The following VPS13B variants were observed in gnomAD, a reference collection of about 807,000 sequenced individuals.
VPS13B encodes the protein vacuolar protein sorting 13 homolog B.
VPS13B carries 285 observed loss-of-function variants against 426.4 expected under a neutral mutation model. The observed-to-expected ratio is 0.67, with a 90% CI of 0.61 to 0.74. The LOEUF is 0.74. Among genes scored for constraint, VPS13B ranks in the 30% least tolerant of loss-of-function variants. The pLI is 0.00. For synonymous variants in VPS13B, 1,676 were observed against 1,676.4 expected, an observed-to-expected ratio of 1.00 and a Z score of 0.01; for missense variants, 4,537 against 4,782.6, an observed-to-expected ratio of 0.95 and a Z score of 1.51.
At chr8:99,221,729 G>T (rs1815735054) in intron 17 of VPS13B, among the ~76,000 whole-genome samples, 1 of 152,046 alleles carries the variant, frequency 6.6e-6, no homozygotes, top group Non-Finnish European at 1.5e-5. Context: ...ATTCAGGAGT[G>T]GAGTCTCACT....
At chr8:99,540,821 T>G (rs1344992857) in intron 30 of VPS13B, among the ~76,000 whole-genome samples, 1 of 152,194 alleles carries the variant, frequency 6.6e-6, no homozygotes, top group Non-Finnish European at 1.5e-5. Context: ...ATTTTTATTG[T>G]GGTTTCGAGG....
rs1554645704 is a variant in VPS13B, at chr8:99,156,741, A to C, written c.2206A>C (p.Lys736Gln). ...TTATTGTTATGTACACTGCTATCTT[A>C]AGGTATGAAAAGTGAATTTTCTTGT... ...LHYCYVHCYL[K>Q]IFGFQAGLTS... is the part of the protein sequence containing the mutation. The change falls in exon 15 of 62, where the codon AAG becomes CAG. Residue 736 changes from lysine to glutamine, a missense_variant and splice_region_variant. Coordinates refer to ENST00000357162, the MANE Select transcript of VPS13B (RefSeq NM_152564.5). 3.1e-6 allele frequency: 5 copies of C among 1,613,940 alleles called. No homozygotes were observed. Among genetic ancestry groups the C allele is most frequent in the Non-Finnish European group, 4.2e-6 (5 of 1,179,862 alleles).
intron 8 of VPS13B, among the ~76,000 whole-genome samples, chr8:99,128,603 A>G (rs1809577776): frequency 6.6e-6 from 1 of 151,494 alleles, no homozygotes; most frequent in South Asian, 2.1e-4. Context: ...CTCCAATTTC[A>G]TTTTTTGTGG....
At chr8:99,372,611 G>C (rs977839760) in intron 19 of VPS13B, among the ~76,000 whole-genome samples, 2 of 152,216 alleles carry the variant, frequency 1.3e-5, no homozygotes, top group African/African-American at 4.8e-5. Context: ...AAACCACAGT[G>C]AGATACCATC....
intron 21 of VPS13B, among the ~76,000 whole-genome samples, chr8:99,423,847 G>T (rs1816522987): frequency 6.6e-6 from 1 of 152,098 alleles, no homozygotes; most frequent in African/African-American, 2.4e-5. Context: ...GTCAGTTTTG[G>T]AATAGGTGTG....
At chr8:99,630,286 G>A (rs1828787176) in intron 33 of VPS13B, among the ~76,000 whole-genome samples, 1 of 152,036 alleles carries the variant, frequency 6.6e-6, no homozygotes, top group African/African-American at 2.4e-5. Flanking sequence ...TGAGCCAAAT[G>A]GGACATTTTC....
rs563370027 is a variant in VPS13B at position 99,233,054 on chromosome 8, T to C, written c.2515+39997T>C. 760 of 1,263,292 alleles carry C rather than the reference T, an allele frequency of 6.0e-4. 10 individuals carry two copies. The South Asian group carries it at 8.4e-3, about 14-fold the overall frequency. 78.3% of individuals were successfully genotyped at this position (1,263,292 alleles called of 1,614,324 possible). ...GCTGATGCCTGTGGGAGGCCTCACT[T>C]GCTGCGCTGTGAGGCGACTCCCTGA... On this transcript the variant is annotated intron_variant, in intron 17 of 61. Coordinates refer to ENST00000357162, the MANE Select transcript of VPS13B (RefSeq NM_152564.5).
chr8:99,066,578 G>A (rs1844528154), intron 3 of VPS13B, among the ~76,000 whole-genome samples: 2 of 152,180 alleles, frequency 1.3e-5, no homozygotes, highest in Admixed American at 1.3e-4. Context: ...ATACCATTCA[G>A]GACATAGGCA....
chr8:99,539,941 T>G (rs768713525), intron 30 of VPS13B, among the ~76,000 whole-genome samples: 2 of 142,016 alleles, frequency 1.4e-5, no homozygotes, highest in Non-Finnish European at 3.0e-5. Context: ...ATTTATACAT[T>G]ATATTTATAT....
intron 30 of VPS13B, among the ~76,000 whole-genome samples, chr8:99,549,409 A>T (rs1414420793): frequency 6.6e-6 from 1 of 152,096 alleles, no homozygotes; most frequent in African/African-American, 2.4e-5. Context: ...TTGACATTTT[A>T]TACAGAGTCT....
At chr8:99,053,235 A>G (rs528989605) in intron 3 of VPS13B, among the ~76,000 whole-genome samples, 1 of 152,004 alleles carries the variant, frequency 6.6e-6, no homozygotes, top group African/African-American at 2.4e-5. Flanking sequence ...TGTGTGCTGC[A>G]CCCATTAACT....
chr8:99,138,200 C>G (rs1312660219), intron 12 of VPS13B, among the ~76,000 whole-genome samples: 1 of 152,138 alleles, frequency 6.6e-6, no homozygotes, highest in Non-Finnish European at 1.5e-5. Flanking sequence ...GATCTCGGCT[C>G]ACTGCAACTT....
At chr8:99,809,677 T>C in intron 44 of VPS13B, 147 bp downstream of exon 44, 2 of 955,436 alleles carry the variant, frequency 2.1e-6, no homozygotes, top group Non-Finnish European at 3.2e-6. Flanking sequence ...AATAAATGCT[T>C]ATCTATGATC....
intron 40 of VPS13B, among the ~76,000 whole-genome samples, chr8:99,767,493 CAAAAAAAAAA>C (rs869220303): frequency 3.0e-5 from 1 of 33,318 alleles, no homozygotes; most frequent in African/African-American, 1.1e-4. Context: ...GCAACTCTCT[CAAAAAAAAAA>C]AAAAAAAAAA....
intron 23 of VPS13B, among the ~76,000 whole-genome samples, chr8:99,460,801 T>A (rs1028387996): frequency 4.6e-5 from 7 of 152,176 alleles, no homozygotes; most frequent in Non-Finnish European, 7.4e-5. Context: ...TGGACATTGT[T>A]CACCACTCCA....
At chr8:99,348,529 AGAT>A (rs1811671989) in intron 19 of VPS13B, among the ~76,000 whole-genome samples, 1 of 152,232 alleles carries the variant, frequency 6.6e-6, no homozygotes, top group Non-Finnish European at 1.5e-5. Context: ...GACATAAATT[AGAT>A]GATGTTAGTT....
chr8:99,088,573 T>C (rs79391368), intron 3 of VPS13B, among the ~76,000 whole-genome samples: 1 of 152,132 alleles, frequency 6.6e-6, no homozygotes, highest in African/African-American at 2.4e-5. Context: ...CATAAAAAAA[T>C]TTTTTCTCAG....
chr8:99,417,245 A>G (rs2133372232), intron 21 of VPS13B, among the ~76,000 whole-genome samples: 1 of 152,314 alleles, frequency 6.6e-6, no homozygotes. Context: ...CCGACTCCTT[A>G]TAAATAATGA....
At chr8:99,254,670 A>G (rs1220161309) in intron 17 of VPS13B, among the ~76,000 whole-genome samples, 2 of 151,814 alleles carry the variant, frequency 1.3e-5, no homozygotes, top group East Asian at 1.9e-4. Flanking sequence ...TAGAGACGGA[A>G]TCTCACTGTG....
Sources: allele counts gnomAD v4.1 joint callset (sites outside exome capture counted in the v4.1 genomes callset), GRCh38; gene constraint gnomAD v4.1.1; transcripts MANE v1.5; gene names NCBI Gene and HGNC (gene_info 2026-07-23, HGNC 2026-07-21).